Variants in PTPRZ1 observed in about 807,000 individuals in gnomAD.
The protein encoded by PTPRZ1 is protein tyrosine phosphatase receptor type Z1, also known as receptor-type tyrosine-protein phosphatase zeta.
PTPRZ1 carries 82 observed loss-of-function variants against 214.1 expected under a neutral mutation model. The observed-to-expected ratio is 0.38, with a 90% CI of 0.32 to 0.46. The LOEUF is 0.46. Among genes scored for constraint, PTPRZ1 ranks in the 20% least tolerant of loss-of-function variants. The probability of loss-of-function intolerance (pLI) is 1.00; values close to 1 mark genes in which losing one functional copy is unlikely to be tolerated. For missense variants in PTPRZ1, 2,603 were observed against 2,748.7 expected (o/e 0.95, Z 1.19); for synonymous variants, 945 against 987.9 (o/e 0.96, Z 0.81).
intron 11 of PTPRZ1, among the ~76,000 whole-genome samples, chr7:122,007,634 G>C (rs1798531389): frequency 6.6e-6 from 1 of 151,958 alleles, no homozygotes; most frequent in South Asian, 2.1e-4. Context: ...TTTAATCCCT[G>C]AATATAGAAA....
intron 1 of PTPRZ1, among the ~76,000 whole-genome samples, chr7:121,907,723 T>G (rs1206479): frequency 0.021 from 3,250 of 151,598 alleles, 74 homozygotes; most frequent in African/African-American, 0.053. Context: ...TATATCTACA[T>G]TAGCTTTTCC....
chr7:121,993,049 A>G (rs1337667610), intron 8 of PTPRZ1, among the ~76,000 whole-genome samples: 1 of 152,168 alleles, frequency 6.6e-6, no homozygotes, highest in Non-Finnish European at 1.5e-5. Context: ...GTAGACATGG[A>G]AAGGAATCAG....
chr7:121,903,971 C>CACAG (rs574742638), intron 1 of PTPRZ1, among the ~76,000 whole-genome samples: 230 of 143,664 alleles, frequency 1.6e-3, no homozygotes, highest in Middle Eastern at 3.8e-3. Context: ...AAATCTCACA[C>CACAG]ACACACACAC....
chr7:121,969,451 A>G (rs890410968), intron 3 of PTPRZ1, among the ~76,000 whole-genome samples: 1 of 150,952 alleles, frequency 6.6e-6, no homozygotes, highest in African/African-American at 2.4e-5. Context: ...AATCCCAGCT[A>G]CTCGGGAGGC....
At position 121,873,515 on chromosome 7, in the gene PTPRZ1, C is replaced by T; in HGVS notation, c.16C>T (p.Arg6Cys). 2 of 1,614,020 alleles carry T rather than the reference C, an allele frequency of 1.2e-6. No individual in the cohort carries two copies. Among genetic ancestry groups the T allele is most frequent in the Non-Finnish European group, 1.7e-6 (2 of 1,180,032 alleles). Residue 6 changes from arginine (R) to cysteine (C), a missense_variant, in exon 1 of 30, where the codon CGT (arginine) becomes TGT (cysteine). This residue lies in a region of PTPRZ1 where 141 missense variants were observed against 143.7 expected (regional missense o/e 0.98). Coordinates refer to ENST00000393386, the MANE Select transcript of PTPRZ1 (RefSeq NM_002851.3). ...CCGTCTGGAAATGCGAATCCTAAAG[C>T]GTTTCCTCGCTTGCATTCAGCTCCT... is the stretch of plus-strand genomic sequence containing the variant. MRILK[R>C]FLACIQLLCV...
At chr7:121,991,293 G>A (rs541161206) in intron 8 of PTPRZ1, among the ~76,000 whole-genome samples, 15 of 152,292 alleles carry the variant, frequency 9.8e-5, no homozygotes, top group African/African-American at 3.4e-4. Context: ...ATATCACAGT[G>A]AGTATGGTAT....
At chr7:121,962,712 G>T (rs1184632321) in intron 2 of PTPRZ1, among the ~76,000 whole-genome samples, 1 of 151,270 alleles carries the variant, frequency 6.6e-6, no homozygotes, top group African/African-American at 2.4e-5. Flanking sequence ...TTACAGGCAC[G>T]CATCACCATA....
chr7:121,987,548 C>T (rs1018240266), intron 8 of PTPRZ1, among the ~76,000 whole-genome samples: 6 of 152,156 alleles, frequency 3.9e-5, no homozygotes, highest in Middle Eastern at 3.2e-3. Context: ...ATTCCCTTTT[C>T]CCTGCAGCCT....
In PTPRZ1 at chr7:122,013,872, T is replaced by C; in HGVS notation, c.4826T>C (p.Phe1609Ser). 4 of 1,607,908 alleles carry C rather than the reference T, an allele frequency of 2.5e-6. No homozygotes were observed. Among genetic ancestry groups the C allele is most frequent in the Non-Finnish European group, 3.4e-6 (4 of 1,176,482 alleles). ...SSVTSENSEV[F>S]HVSEAEASNS... ...GTTACTAGCGAGAACTCAGAAGTGTTCCACGTTTCAGAGGCAGGTTAGTTA... is the reference window on the plus strand; with the variant it reads ...GTTACTAGCGAGAACTCAGAAGTGTCCCACGTTTCAGAGGCAGGTTAGTTA... Residue 1609 changes from phenylalanine to serine, a missense_variant, in exon 12 of 30, where the codon TTC (phenylalanine) becomes TCC (serine). This residue lies in a region of PTPRZ1 where 1,913 missense variants were observed against 1,914.3 expected (regional missense o/e 1.00). Transcript: ENST00000393386.
chr7:121,884,932 A>G (rs1322817424), intron 1 of PTPRZ1, among the ~76,000 whole-genome samples: 3 of 152,196 alleles, frequency 2.0e-5, no homozygotes, highest in Non-Finnish European at 2.9e-5. Context: ...TTGCAGTTGC[A>G]TTCAGTATTA....
intron 1 of PTPRZ1, among the ~76,000 whole-genome samples, chr7:121,892,881 G>GT (rs1794682359): frequency 6.6e-6 from 1 of 151,422 alleles, no homozygotes; most frequent in East Asian, 1.9e-4. Flanking sequence ...ATGGTAGTGG[G>GT]TATCTTTGTT....
chr7:121,978,570 T>C (rs1797511927), intron 6 of PTPRZ1, among the ~76,000 whole-genome samples: 1 of 152,140 alleles, frequency 6.6e-6, no homozygotes, highest in Non-Finnish European at 1.5e-5. Flanking sequence ...CTCACTATCA[T>C]GAGAACAGCA....
intron 1 of PTPRZ1, among the ~76,000 whole-genome samples, chr7:121,895,543 TTTTG>T (rs1327288608): frequency 6.6e-6 from 1 of 152,180 alleles, no homozygotes; most frequent in Non-Finnish European, 1.5e-5. Flanking sequence ...AAAGTAAAGA[TTTTG>T]TTTATTACAA....
chr7:122,044,434 T>C lies in PTPRZ1; in HGVS notation c.5950T>C (p.Phe1984Leu), dbSNP rs1799820085. ...YLVQTEEQYV[F>L]IHDTLVEAIL... The stretch of plus-strand genomic sequence containing the variant: ...ATTGTTTTGCCAGGAGCAATATGTC[T>C]TCATTCATGATACACTGGTTGAGGC... The change falls in exon 23 of 30, where the codon TTC (phenylalanine) becomes CTC (leucine). Residue 1984 changes from phenylalanine to leucine, a missense_variant. Physicochemically the swap from Phe to Leu is conservative, Grantham distance 22. Transcript: ENST00000393386. 1 of 1,613,680 alleles carries C rather than the reference T, an allele frequency of 6.2e-7. No homozygotes were observed. The highest frequency in any genetic ancestry group is 1.3e-5 in the African/African-American group (1 of 74,902).
intron 9 of PTPRZ1, 73 bp downstream of exon 9, chr7:121,996,639 G>A: frequency 8.4e-7 from 1 of 1,186,332 alleles, no homozygotes; most frequent in Non-Finnish European, 1.1e-6. Context: ...CTTACAAATG[G>A]TTGTATATTA....
chr7:121,966,946 A>T (rs897574681), intron 2 of PTPRZ1: 4 of 152,192 alleles, frequency 2.6e-5, no homozygotes, highest in African/African-American at 9.7e-5. Context: ...AGAATATAAA[A>T]TGAAAACTAC....
intron 23 of PTPRZ1, 28 bp from the exon 24 acceptor site, chr7:122,051,400 C>A (rs764458270): frequency 5.2e-6 from 8 of 1,540,716 alleles, no homozygotes; most frequent in Non-Finnish European, 6.3e-6. Flanking sequence ...ATGAAATAAC[C>A]TATATATTTT....
intron 1 of PTPRZ1, among the ~76,000 whole-genome samples, chr7:121,897,303 G>A (rs1310670311): frequency 6.6e-6 from 1 of 152,022 alleles, no homozygotes; most frequent in East Asian, 1.9e-4. Flanking sequence ...CATAATAATG[G>A]TGGAGATACA....
At chr7:121,961,604 C>G (rs943304030) in intron 2 of PTPRZ1, among the ~76,000 whole-genome samples, 3 of 152,194 alleles carry the variant, frequency 2.0e-5, no homozygotes, top group African/African-American at 7.2e-5. Context: ...TCATGCGTAT[C>G]CCCTGCGGAG....
Sources: gnomAD v4.1 joint callset for allele counts (sites outside exome capture counted in the v4.1 genomes callset) on GRCh38, gnomAD v4.1.1 for gene constraint, gnomAD v4.1.1 regional missense constraint, MANE v1.5 for transcripts, NCBI Gene and HGNC (gene_info 2026-07-23, HGNC 2026-07-21) for gene names.